SLCO5A1: variants seen among roughly 807,000 people sequenced by gnomAD.
SLCO5A1 encodes the protein organic anion transporter polypeptide-related protein 4.
SLCO5A1 carries 39 observed loss-of-function variants against 65.1 expected under a neutral mutation model. That is an observed-to-expected ratio of 0.60 (90% CI 0.46 to 0.78). SLCO5A1 has a LOEUF of 0.78. SLCO5A1 is among the 30% of genes least tolerant of loss of function. The pLI, the probability that SLCO5A1 is intolerant of heterozygous loss-of-function variation, is 0.00. For missense variants in SLCO5A1, 1,029 were observed against 1,069.4 expected, an observed-to-expected ratio of 0.96 and a Z score of 0.53; for synonymous variants, 438 against 415.7, an observed-to-expected ratio of 1.05 and a Z score of -0.65.
chr8:69,679,252 G>A, intron 8 of SLCO5A1, 126 bp downstream of exon 8: 1 of 1,294,926 alleles, frequency 7.7e-7, no homozygotes, highest in Non-Finnish European at 1.1e-6. Flanking sequence ...AAATATCTGA[G>A]CGCCCTCCTG....
chr8:69,787,562 T>G (rs577878450), intron 2 of SLCO5A1, among the ~76,000 whole-genome samples: 1 of 152,350 alleles, frequency 6.6e-6, no homozygotes, highest in African/African-American at 2.4e-5. Flanking sequence ...ATGTATGTTA[T>G]GTAACATCCC....
intron 6 of SLCO5A1, among the ~76,000 whole-genome samples, chr8:69,692,056 G>A (rs1172041893): frequency 6.6e-6 from 1 of 152,154 alleles, no homozygotes; most frequent in Non-Finnish European, 1.5e-5. Context: ...AGACCATCCT[G>A]GCTAACACAG....
chr8:69,682,395 A>C, intron 6 of SLCO5A1, 52 bp from the exon 7 acceptor site: 146 of 1,427,372 alleles, frequency 1.0e-4, no homozygotes, highest in Non-Finnish European at 1.2e-4. Context: ...AATAAAACTC[A>C]TAGGAAAGGT....
Position 69,831,871 on chromosome 8 carries a change from A to G in SLCO5A1, c.803T>C (p.Ile268Thr). 1 of 1,613,762 alleles carries G rather than the reference A, an allele frequency of 6.2e-7. No individual in the cohort carries two copies. The highest frequency in any genetic ancestry group is 1.1e-5 in the South Asian group (1 of 90,968). ...NNHWVYVALF[I>T]CAQILIGMGS... Reference sequence around the variant, plus strand: ...CATTCCAATGAGAATCTGCGCGCAAATGAATAAAGCCACGTAGACCCAGTG... The same window carrying G: ...CATTCCAATGAGAATCTGCGCGCAAGTGAATAAAGCCACGTAGACCCAGTG... The change falls in exon 2 of 10, where the codon ATT (isoleucine) becomes ACT (threonine). Residue 268 changes from isoleucine (I) to threonine (T), a missense_variant. Transcript: ENST00000260126.
chr8:69,803,800 A>G (rs1355574725), intron 2 of SLCO5A1, among the ~76,000 whole-genome samples: 1 of 152,178 alleles, frequency 6.6e-6, no homozygotes, highest in Non-Finnish European at 1.5e-5. Context: ...CCACCTGGGC[A>G]ACATAGCAAG....
chr8:69,729,272 G>A (rs1203569291), intron 5 of SLCO5A1, among the ~76,000 whole-genome samples: 9 of 151,734 alleles, frequency 5.9e-5, no homozygotes, highest in African/African-American at 1.2e-4. Context: ...ATGAAACCCC[G>A]TCTCTACTAA....
At chr8:69,784,886 A>AGAGAGG (rs1818965950) in intron 2 of SLCO5A1, among the ~76,000 whole-genome samples, 1 of 122,162 alleles carries the variant, frequency 8.2e-6, no homozygotes, top group African/African-American at 3.4e-5. Context: ...AAAGAAAGAA[A>AGAGAGG]GAAGAAAGGA....
At chr8:69,734,084 G>A (rs554449871) in intron 5 of SLCO5A1, among the ~76,000 whole-genome samples, 8 of 152,174 alleles carry the variant, frequency 5.3e-5, no homozygotes, top group Non-Finnish European at 1.0e-4. Flanking sequence ...CTGGTATTGC[G>A]ATGATGCCCT....
At chr8:69,691,869 C>T (rs1038305277) in intron 6 of SLCO5A1, among the ~76,000 whole-genome samples, 26 of 152,242 alleles carry the variant, frequency 1.7e-4, no homozygotes, top group African/African-American at 4.1e-4. Context: ...CAAACCTGTA[C>T]GGCATATTTG....
intron 4 of SLCO5A1, among the ~76,000 whole-genome samples, chr8:69,748,345 C>T (rs895390705): frequency 9.9e-5 from 15 of 152,110 alleles, no homozygotes; most frequent in African/African-American, 3.6e-4. Flanking sequence ...GATGAGTCAC[C>T]CCACAGTTAT....
At chr8:69,751,630 C>G (rs1347529135) in intron 4 of SLCO5A1, among the ~76,000 whole-genome samples, 1 of 152,000 alleles carries the variant, frequency 6.6e-6, no homozygotes, top group Admixed American at 6.6e-5. Flanking sequence ...TCACTGCAAC[C>G]TCCACCTCCC....
intron 2 of SLCO5A1, among the ~76,000 whole-genome samples, chr8:69,812,079 C>G (rs1255217239): frequency 6.6e-6 from 1 of 152,186 alleles, no homozygotes; most frequent in African/African-American, 2.4e-5. Flanking sequence ...AAAACTGAAA[C>G]CCAGAGTTGT....
At chr8:69,737,582 T>C (rs1816611913) in intron 5 of SLCO5A1, among the ~76,000 whole-genome samples, 1 of 152,182 alleles carries the variant, frequency 6.6e-6, no homozygotes. Flanking sequence ...AATTCATACA[T>C]TTCCTTTTCA....
chr8:69,769,566 C>A (rs962627070), intron 2 of SLCO5A1, among the ~76,000 whole-genome samples: 7 of 152,070 alleles, frequency 4.6e-5, no homozygotes, highest in Admixed American at 1.3e-4. Flanking sequence ...TGAATAATTA[C>A]CTATTAATTC....
intron 2 of SLCO5A1, among the ~76,000 whole-genome samples, chr8:69,826,376 A>G (rs1820915635): frequency 6.6e-6 from 1 of 151,816 alleles, no homozygotes; most frequent in Non-Finnish European, 1.5e-5. Context: ...TTCGCAACCT[A>G]CTCATCTGAC....
intron 4 of SLCO5A1, among the ~76,000 whole-genome samples, chr8:69,739,454 C>CA (rs1230994171): frequency 6.6e-6 from 1 of 152,088 alleles, no homozygotes; most frequent in Non-Finnish European, 1.5e-5. Flanking sequence ...TTTATGTAAT[C>CA]TTTATGTATC....
chr8:69,725,809 C>T (rs991078371), intron 5 of SLCO5A1, among the ~76,000 whole-genome samples: 1 of 152,226 alleles, frequency 6.6e-6, no homozygotes, highest in Non-Finnish European at 1.5e-5. Flanking sequence ...AACGCTCCTA[C>T]GTCTGCTTCT....
Position 69,708,678 on chromosome 8 carries a change from C to T in SLCO5A1, c.1424-3449G>A, listed in dbSNP as rs374491963. Among the ~76,000 whole-genome samples, 26 of 151,934 alleles carry T rather than the reference C, an allele frequency of 1.7e-4. No homozygotes were observed. In the East Asian group the frequency reaches 3.1e-3, roughly 18 times the overall value. ...CAGCACTTTGGGAGGCCGAGGCGGG[C>T]AGATCATTTGAGGTCAGGAGTTCGA... On this transcript the variant is annotated intron_variant, in intron 5 of 9. Transcript: ENST00000260126.
rs958451121 is a variant in SLCO5A1, at chr8:69,755,478, T to C, written c.1204A>G (p.Ser402Gly). 6.2e-7 allele frequency: 1 copy of C among 1,614,134 alleles called. No individual in the cohort carries two copies. Among genetic ancestry groups the C allele is most frequent in the African/African-American group, 1.3e-5 (1 of 75,058 alleles). Residue 402 changes from serine to glycine, a missense_variant, in exon 4 of 10, where the codon AGT becomes GGT. Ser to Gly is a moderately conservative substitution (Grantham distance 56). Coordinates refer to ENST00000260126, the MANE Select transcript of SLCO5A1 (RefSeq NM_030958.3). ...DDVLKEKSNN[S>G]EQADKKVSSM... The stretch of plus-strand genomic sequence containing the variant: ...GAAACTTTTTTGTCCGCTTGTTCAC[T>C]GTTGTTTGATTTCTCCTTCAGAACA...
Sources: allele counts gnomAD v4.1 joint callset (sites outside exome capture counted in the v4.1 genomes callset), GRCh38; gene constraint gnomAD v4.1.1; transcripts MANE v1.5; gene names NCBI Gene and HGNC (gene_info 2026-07-23, HGNC 2026-07-21).